The following MVK variants were observed in gnomAD, a reference collection of about 807,000 sequenced individuals.
MVK encodes LH receptor mRNA-binding protein.
MVK carries 34 observed loss-of-function variants against 43.2 expected under a neutral mutation model. That is an observed-to-expected ratio of 0.79 (90% CI 0.60 to 1.05). The LOEUF (loss-of-function observed/expected upper bound fraction) is 1.05. MVK is among the 50% of genes least tolerant of loss of function. The pLI is 0.00. For missense variants in MVK, 395 were observed against 504.0 expected, an observed-to-expected ratio of 0.78 and a Z score of 2.07; for synonymous variants, 190 against 219.8, an observed-to-expected ratio of 0.86 and a Z score of 1.20.
Position 109,573,878 on chromosome 12 carries a change from G to A in MVK, c.-15+5G>A, listed in dbSNP as rs1291049646. 2 of 208,178 alleles carry A rather than the reference G, an allele frequency of 9.6e-6. No individual in the cohort carries two copies. Among genetic ancestry groups the A allele is most frequent in the African/African-American group, 4.8e-5 (2 of 41,902 alleles). 12.9% of individuals were successfully genotyped at this position (208,178 alleles called of 1,614,324 possible). A position where few individuals can be genotyped will look rare whatever the true frequency, so the allele number is the denominator to read the frequency against. ...GGGAGGCGGCGGCGGCGGCAGGTGA[G>A]AGGCCGGGGTCGGGCGGCCGGGCGG... On this transcript the variant is annotated splice_donor_5th_base_variant and intron_variant, in intron 1 of 10. Coordinates refer to ENST00000228510, the MANE Select transcript of MVK (RefSeq NM_000431.4).
chr12:109,581,556 C>T lies in MVK; in HGVS notation c.527+6C>T. 1 of 1,614,184 alleles carries T rather than the reference C, an allele frequency of 6.2e-7. No individual in the cohort carries two copies. Among genetic ancestry groups the T allele is most frequent in the South Asian group, 1.1e-5 (1 of 91,074 alleles). On this transcript the variant is annotated splice_donor_region_variant and intron_variant, in intron 5 of 10. Transcript: ENST00000228510. ...GACGGGGATTGCGTCAACAGGTAAC[C>T]ATGGTCCTTACCTGGCCAGTGTCCC...
At chr12:109,577,138 A>AT (rs1405405541) in intron 3 of MVK, among the ~76,000 whole-genome samples, 3 of 151,980 alleles carry the variant, frequency 2.0e-5, no homozygotes, top group Admixed American at 6.6e-5. Flanking sequence ...AGAAGTACTG[A>AT]TTTTTTCTTT....
chr12:109,582,328 G>T (rs1338357569), intron 5 of MVK, among the ~76,000 whole-genome samples: 1 of 151,570 alleles, frequency 6.6e-6, no homozygotes, highest in African/African-American at 2.4e-5. Flanking sequence ...TTGTTTGTTT[G>T]TTTGTTTGTT....
At chr12:109,589,713 T>C (rs1410838754) in intron 7 of MVK, 1 of 152,218 alleles carries the variant, frequency 6.6e-6, no homozygotes, top group Non-Finnish European at 1.5e-5. Flanking sequence ...AATCTTGAAC[T>C]GTGAAGACAG....
chr12:109,573,766 C>G, upstream of MVK: 1 of 486,096 alleles, frequency 2.1e-6, no homozygotes. Context: ...GCCTGAAGTA[C>G]AACGCCTCCT....
chr12:109,589,750 C>T (rs1027649271), intron 7 of MVK: 1 of 152,202 alleles, frequency 6.6e-6, no homozygotes, highest in Non-Finnish European at 1.5e-5. Flanking sequence ...GGGCTCTGCC[C>T]GTCTCCAGCT....
chr12:109,579,095 GTGTGTGTC>G (rs561425354), intron 3 of MVK: 130 of 356,474 alleles, frequency 3.6e-4, no homozygotes, highest in African/African-American at 2.4e-3. Flanking sequence ...AGCATTCTCT[GTGTGTGTC>G]TGTGTGTCTG....
chr12:109,586,899 C>T, intron 7 of MVK, 100 bp downstream of exon 7: 1 of 1,432,026 alleles, frequency 7.0e-7, no homozygotes, highest in Non-Finnish European at 9.7e-7. Flanking sequence ...AGGCAGGTGT[C>T]CCTGGCTCTT....
In MVK at chr12:109,585,828, G is replaced by A. The variant is rs546380754; in HGVS notation, c.528-194G>A. Among the ~76,000 whole-genome samples, 13 of 152,322 alleles carry A rather than the reference G, an allele frequency of 8.5e-5. No individual in the cohort carries two copies. In the South Asian group the frequency reaches 2.1e-3, roughly 24 times the overall value. On this transcript the variant is annotated intron_variant, in intron 5 of 10. Transcript: ENST00000228510. Reference sequence around the variant, plus strand: ...CCAAAGCCCAGGCTGTTTTGACTGCGCCAGGTGGGCTTCAGAGGGAAGGGC... The same window carrying A: ...CCAAAGCCCAGGCTGTTTTGACTGCACCAGGTGGGCTTCAGAGGGAAGGGC...
intron 1 of MVK, 94 bp from the exon 2 acceptor site, chr12:109,574,715 A>G: frequency 9.2e-7 from 1 of 1,090,838 alleles, no homozygotes; most frequent in East Asian, 2.6e-5. Context: ...CTTTTTTGTT[A>G]TTATGATGGG....
intron 5 of MVK, among the ~76,000 whole-genome samples, chr12:109,583,615 G>A (rs1205106656): frequency 6.6e-6 from 1 of 152,212 alleles, no homozygotes; most frequent in Non-Finnish European, 1.5e-5. Context: ...TATATACCCA[G>A]TAATGGGATG....
chr12:109,592,152 G>A (rs1339892323), intron 9 of MVK, among the ~76,000 whole-genome samples: 4 of 152,220 alleles, frequency 2.6e-5, no homozygotes, highest in Non-Finnish European at 5.9e-5. Flanking sequence ...GCTGAGGCAG[G>A]AGGATCACTT....
At chr12:109,574,988 C>A in intron 2 of MVK, 88 bp downstream of exon 2, 1 of 1,317,526 alleles carries the variant, frequency 7.6e-7, no homozygotes, top group Non-Finnish European at 1.1e-6. Flanking sequence ...CCCTGAGGCA[C>A]AGCTTGGGAG....
chr12:109,581,430 A>C lies in MVK; in HGVS notation c.407A>C (p.Glu136Ala). 1 of 1,614,006 alleles carries C rather than the reference A, an allele frequency of 6.2e-7. No homozygotes were observed. Among genetic ancestry groups the C allele is most frequent in the Non-Finnish European group, 8.5e-7 (1 of 1,179,990 alleles). The stretch of plus-strand genomic sequence containing the variant: ...AGCCTGGATATCGTAGTGTGGTCGG[A>C]GCTGCCCCCCGGGGCGGGCTTGGGC... The part of the protein sequence containing the change: ...LPSLDIVVWS[E>A]LPPGAGLGSS... Residue 136 changes from glutamate (E) to alanine (A), a missense_variant, in exon 5 of 11, where the codon GAG becomes GCG. Physicochemically the swap from Glu to Ala is moderately radical, Grantham distance 107 (BLOSUM62 -1). Transcript: ENST00000228510.
Position 109,596,819 on chromosome 12 carries a change from T to G in MVK, c.*242T>G. 1.7e-6 allele frequency: 1 copy of G among 599,142 alleles called. No individual in the cohort carries two copies. The highest frequency in any genetic ancestry group is 1.9e-5 in the African/African-American group (1 of 53,954). 37.1% of individuals were successfully genotyped at this position (599,142 alleles called of 1,614,324 possible). Reference sequence around the variant, plus strand: ...GAGGCCTAGGAGGGTCCTCTGAGACTCCAGACCTGAGGCGAGAAGGGCTGC... The same window carrying G: ...GAGGCCTAGGAGGGTCCTCTGAGACGCCAGACCTGAGGCGAGAAGGGCTGC... On this transcript the variant is annotated 3_prime_UTR_variant, in exon 11 of 11. Coordinates refer to ENST00000228510, the MANE Select transcript of MVK (RefSeq NM_000431.4).
intron 9 of MVK, 118 bp downstream of exon 9, chr12:109,591,475 C>A: frequency 1.1e-6 from 1 of 939,130 alleles, no homozygotes; most frequent in South Asian, 1.4e-5. Flanking sequence ...AGGTCAGGAC[C>A]TGCCTCTGGC....
intron 8 of MVK, 53 bp from the exon 9 acceptor site, chr12:109,591,188 C>A: frequency 1.3e-6 from 2 of 1,522,280 alleles, no homozygotes; most frequent in Non-Finnish European, 9.1e-7. Flanking sequence ...GGCAGCTGTC[C>A]TGCATCTGCC....
chr12:109,592,954 G>A (rs1054404342), intron 9 of MVK, among the ~76,000 whole-genome samples: 1 of 152,182 alleles, frequency 6.6e-6, no homozygotes, highest in African/African-American at 2.4e-5. Flanking sequence ...CGAGTCCCTG[G>A]AGAATGCCAC....
intron 3 of MVK, among the ~76,000 whole-genome samples, chr12:109,577,844 A>G (rs1477559048): frequency 6.6e-6 from 1 of 152,208 alleles, no homozygotes. Context: ...TGGAGCGTGC[A>G]TCTGAAAACA....
Sources: allele counts gnomAD v4.1 joint callset (sites outside exome capture counted in the v4.1 genomes callset), GRCh38; gene constraint gnomAD v4.1.1; transcripts MANE v1.5; gene names NCBI Gene and HGNC (gene_info 2026-07-23, HGNC 2026-07-21).